TCOF1: variants seen among roughly 807,000 people sequenced by gnomAD.
The protein encoded by TCOF1 is treacle protein.
Under a neutral mutation model 149.0 loss-of-function variants are expected in TCOF1, and 33 were observed. That is an observed-to-expected ratio of 0.22 (90% CI 0.17 to 0.30). The LOEUF (loss-of-function observed/expected upper bound fraction) is 0.30, where lower values mean the gene tolerates loss of function less well. TCOF1 is among the 10% of genes least tolerant of loss of function. The pLI, the probability that TCOF1 is intolerant of heterozygous loss-of-function variation, is 1.00. For synonymous variants in TCOF1, 789 were observed against 738.8 expected, an observed-to-expected ratio of 1.07 and a Z score of -1.10; for missense variants, 1,728 against 1,840.7, an observed-to-expected ratio of 0.94 and a Z score of 1.12.
At chr5:150,377,339 T>G (rs1476144543) in intron 14 of TCOF1, among the ~76,000 whole-genome samples, 1 of 150,640 alleles carries the variant, frequency 6.6e-6, no homozygotes, top group African/African-American at 2.4e-5. Context: ...AGAATTTAGG[T>G]GAGATCTCAC....
At chr5:150,375,575 G>A (rs1554136648) in intron 11 of TCOF1, 21 bp downstream of exon 11, 8 of 1,613,798 alleles carry the variant, frequency 5.0e-6, no homozygotes, top group Middle Eastern at 1.6e-4. Flanking sequence ...TTCCTGTAAG[G>A]CTCTTTCTTT....
chr5:150,374,705 C>T lies in TCOF1; in HGVS notation c.1172C>T (p.Pro391Leu). 1 of 1,613,680 alleles carries T rather than the reference C, an allele frequency of 6.2e-7. No homozygotes were observed. Among genetic ancestry groups the T allele is most frequent in the South Asian group, 1.1e-5 (1 of 91,046 alleles). Reference sequence around the variant, plus strand: ...AGGAAAGGAGCTGCCCCAGCGCCCCCTGGGAAGACAGGGCCTGCAGTTGCC... The same window carrying T: ...AGGAAAGGAGCTGCCCCAGCGCCCCTTGGGAAGACAGGGCCTGCAGTTGCC... Reference protein sequence around the residue: ...SPRKGAAPAPPGKTGPAVAKA... With the variant: ...SPRKGAAPAPLGKTGPAVAKA... Residue 391 changes from proline (P) to leucine (L), a missense_variant, in exon 9 of 27, where the codon CCT becomes CTT. Physicochemically the swap from Pro to Leu is moderately conservative, Grantham distance 98 (BLOSUM62 -3). Transcript: ENST00000643257.
chr5:150,359,965 C>T (rs890270005), intron 1 of TCOF1, among the ~76,000 whole-genome samples: 1 of 152,088 alleles, frequency 6.6e-6, no homozygotes, highest in African/African-American at 2.4e-5. Context: ...GTGTAGTTAA[C>T]AGGGGAGAGA....
intron 5 of TCOF1, 113 bp from the exon 6 acceptor site, chr5:150,369,416 G>C: frequency 8.1e-7 from 1 of 1,233,204 alleles, no homozygotes; most frequent in Non-Finnish European, 1.2e-6. Flanking sequence ...CACACGAGGG[G>C]TGAGCGCTCA....
intron 3 of TCOF1, 102 bp downstream of exon 3, chr5:150,364,354 C>T: frequency 6.5e-7 from 1 of 1,545,876 alleles, no homozygotes; most frequent in Non-Finnish European, 8.8e-7. Context: ...ACCTAAAAGA[C>T]CCTGGGGAGG....
intron 14 of TCOF1, among the ~76,000 whole-genome samples, chr5:150,377,603 T>C (rs537259211): frequency 4.5e-4 from 68 of 152,334 alleles, no homozygotes; most frequent in Non-Finnish European, 9.0e-4. Context: ...CTGATTTTTT[T>C]TTGTCCTCCT....
rs374027769 is a variant in TCOF1, at chr5:150,376,596, G to A, written c.2316G>A (p.Glu772=). Residue 772 remains glutamate (E), a synonymous_variant, in exon 14 of 27, where the codon GAG becomes GAA. Transcript: ENST00000643257. ...GCAGTGAGGAGGAATCAGACAGTGAGGAAGCAGCTGCATCTCCAGCACAGG... is the reference window on the plus strand; with the variant it reads ...GCAGTGAGGAGGAATCAGACAGTGAAGAAGCAGCTGCATCTCCAGCACAGG... ...SESSEEESDS[E]EAAASPAQVK... is the part of the protein sequence containing the mutation. The A allele has an allele frequency of 1.3e-6, 2 of 1,574,858 alleles. No individual in the cohort carries two copies. The highest frequency in any genetic ancestry group is 1.7e-6 in the Non-Finnish European group (2 of 1,160,350).
At chr5:150,393,001 T>C (rs1196087874) in intron 22 of TCOF1, 5 of 645,536 alleles carry the variant, frequency 7.7e-6, no homozygotes, top group Non-Finnish European at 1.4e-5. Context: ...CCTGAGTAGC[T>C]GACCCTTGGG....
chr5:150,383,842 T>A, intron 17 of TCOF1: 5 of 1,551,216 alleles, frequency 3.2e-6, no homozygotes, highest in Non-Finnish European at 4.4e-6. Context: ...TAAGCCACAG[T>A]CCTGCTCAGG....
chr5:150,397,226 G>A (rs569845217), intron 24 of TCOF1, among the ~76,000 whole-genome samples: 6 of 148,900 alleles, frequency 4.0e-5, no homozygotes, highest in African/African-American at 9.8e-5. Context: ...GGCAAAGCCC[G>A]AACTCGATTC....
At chr5:150,371,192 T>A (rs1019971396) in intron 6 of TCOF1, among the ~76,000 whole-genome samples, 6 of 152,174 alleles carry the variant, frequency 3.9e-5, no homozygotes, top group Admixed American at 6.5e-5. Flanking sequence ...CTTCTCACTT[T>A]ACTGTGCTGC....
Position 150,376,559 on chromosome 5 carries a change from A to C in TCOF1, c.2279A>C (p.Glu760Ala), listed in dbSNP as rs1253517157. ...ACCCAGGTGAAAGCTGAAAAGCAGGAAGACTCTGAGAGCAGTGAGGAGGAA... is the reference window on the plus strand; with the variant it reads ...ACCCAGGTGAAAGCTGAAAAGCAGGCAGACTCTGAGAGCAGTGAGGAGGAA... ...TVTQVKAEKQEDSESSEEESD... is the reference protein window; with the variant it reads ...TVTQVKAEKQADSESSEEESD... The change falls in exon 14 of 27, where the codon GAA (glutamate) becomes GCA (alanine). Residue 760 changes from glutamate (E) to alanine (A), a missense_variant. This residue lies in a region of TCOF1 where 1,696 missense variants were observed against 1,765.4 expected (regional missense o/e 0.96). Transcript: ENST00000643257. The C allele has an allele frequency of 1.2e-6, 2 of 1,601,694 alleles. No homozygotes were observed. The highest frequency in any genetic ancestry group is 2.7e-5 in the African/African-American group (2 of 74,624).
In TCOF1 at chr5:150,398,377, G is replaced by A. The variant is rs1141604; in HGVS notation, c.4369G>A (p.Glu1457Lys). ...DKRKKDKEKK[E>K]KKKKAKKAST... Reference sequence around the variant, plus strand: ...AGGAAAAAAAGACAAAGAAAAAAAAGAAAAGAAGAAGAAAGCAAAAAAGGC... The same window carrying A: ...AGGAAAAAAAGACAAAGAAAAAAAAAAAAAGAAGAAGAAAGCAAAAAAGGC... Residue 1457 changes from glutamate (E) to lysine (K), a missense_variant, in exon 25 of 27, where the codon GAA becomes AAA. Transcript: ENST00000643257. 2 of 1,613,536 alleles carry A rather than the reference G, an allele frequency of 1.2e-6. No individual in the cohort carries two copies. Among genetic ancestry groups the A allele is most frequent in the Non-Finnish European group, 1.7e-6 (2 of 1,179,882 alleles).
intron 17 of TCOF1, among the ~76,000 whole-genome samples, chr5:150,386,016 A>G (rs1390257267): frequency 6.6e-6 from 1 of 152,204 alleles, no homozygotes; most frequent in Non-Finnish European, 1.5e-5. Flanking sequence ...AGGATCAGAA[A>G]GTTGAGGGGC....
chr5:150,390,134 C>T, intron 19 of TCOF1, 111 bp downstream of exon 19: 4 of 1,499,368 alleles, frequency 2.7e-6, no homozygotes, highest in Non-Finnish European at 3.6e-6. Context: ...CGCCCACACT[C>T]CAGAGGTCGT....
Position 150,399,043 on chromosome 5 carries a change from G to A in TCOF1, c.4465G>A (p.Val1489Ile). 1 of 1,614,252 alleles carries A rather than the reference G, an allele frequency of 6.2e-7. No homozygotes were observed. The change falls in exon 26 of 27, where the codon GTA becomes ATA. Residue 1489 changes from valine (V) to isoleucine (I), a missense_variant. Val to Ile is a conservative substitution (Grantham distance 29). Coordinates refer to ENST00000643257, the MANE Select transcript of TCOF1 (RefSeq NM_001371623.1). ...KKKKKTAEQTV is the reference protein window; with the variant it reads ...KKKKKTAEQTI ...ACAGAAGAAGACAGCAGAGCAGACT[G>A]TATGACGAGCACCAGCACCAGGCAC...
chr5:150,395,239 G>A (rs180717505), intron 23 of TCOF1, among the ~76,000 whole-genome samples: 2 of 152,356 alleles, frequency 1.3e-5, no homozygotes, highest in East Asian at 3.9e-4. Context: ...GTACCACATA[G>A]AGTGTGACAT....
chr5:150,390,062 G>A (rs1767090070), intron 19 of TCOF1, 39 bp downstream of exon 19: 1 of 1,572,392 alleles, frequency 6.4e-7, no homozygotes, highest in Non-Finnish European at 8.6e-7. Context: ...AGGCCAGTGG[G>A]GTGGGGCCCT....
chr5:150,375,644 T>G (rs1204021904), intron 11 of TCOF1, 77 bp from the exon 12 acceptor site: 3 of 1,612,268 alleles, frequency 1.9e-6, no homozygotes, highest in Non-Finnish European at 2.5e-6. Context: ...TGGGACTCTG[T>G]CTACAATCTT....
Sources: allele counts gnomAD v4.1 joint callset (sites outside exome capture counted in the v4.1 genomes callset), GRCh38; gene constraint gnomAD v4.1.1; regional missense constraint gnomAD v4.1.1; transcripts MANE v1.5; gene names NCBI Gene and HGNC (gene_info 2026-07-23, HGNC 2026-07-21).